Variants in PRMT3 observed in about 807,000 individuals in gnomAD.
The protein encoded by PRMT3 is protein arginine methyltransferase 3.
A neutral mutation model predicts 71.9 loss-of-function variants in PRMT3; 62 were observed. The observed-to-expected ratio is 0.86, with a 90% confidence interval of 0.70 to 1.07. PRMT3 has a LOEUF of 1.07. PRMT3 is among the 50% of genes least tolerant of loss of function. PRMT3 has a pLI of 0.00. For missense variants in PRMT3, 663 were observed against 643.0 expected, an observed-to-expected ratio of 1.03 and a Z score of -0.34; for synonymous variants, 213 against 220.4, an observed-to-expected ratio of 0.97 and a Z score of 0.30.
At chr11:20,474,904 A>G (rs1029416919) in intron 13 of PRMT3, among the ~76,000 whole-genome samples, 3 of 152,234 alleles carry the variant, frequency 2.0e-5, no homozygotes, top group African/African-American at 7.2e-5. Flanking sequence ...AGACCTCACA[A>G]TCTAAACTAA....
chr11:20,415,017 G>GGGGTGT (rs1555009388), intron 9 of PRMT3, among the ~76,000 whole-genome samples: 2 of 135,316 alleles, frequency 1.5e-5, no homozygotes, highest in African/African-American at 5.2e-5. Flanking sequence ...TGGTGGTAGT[G>GGGGTGT]GTGTGTGTGT....
intron 11 of PRMT3, among the ~76,000 whole-genome samples, chr11:20,453,207 G>A (rs1174090953): frequency 6.6e-6 from 1 of 151,606 alleles, no homozygotes; most frequent in African/African-American, 2.4e-5. Flanking sequence ...CCGGCTGGGT[G>A]CAGTGGCTCA....
At chr11:20,506,997 G>A (rs889268372) in intron 15 of PRMT3, among the ~76,000 whole-genome samples, 1 of 152,144 alleles carries the variant, frequency 6.6e-6, no homozygotes, top group African/African-American at 2.4e-5. Flanking sequence ...CCCTTTTACA[G>A]CACCAGTGCA....
rs140148954 is a variant in PRMT3, at chr11:20,483,642, A to G, written c.1348-10277A>G. The stretch of plus-strand genomic sequence containing the variant: ...TGTGTGGGCTTCTGTGCTAGGCACT[A>G]TGAATACAACAAATAATCAAAATGT... On this transcript the variant is annotated intron_variant, in intron 13 of 15. Coordinates refer to ENST00000331079, the MANE Select transcript of PRMT3 (RefSeq NM_005788.4). 5.8e-3 allele frequency among the ~76,000 whole-genome samples: 887 copies of G among 152,260 alleles called. 8 individuals are homozygous for G. The highest frequency in any genetic ancestry group is 0.01 in the Non-Finnish European group (696 of 68,008).
At chr11:20,413,610 C>T (rs1013782325) in intron 9 of PRMT3, among the ~76,000 whole-genome samples, 2 of 152,082 alleles carry the variant, frequency 1.3e-5, no homozygotes, top group Admixed American at 1.3e-4. Flanking sequence ...GGCATCAATG[C>T]CTCAAATAAT....
At chr11:20,427,449 G>A (rs148570060) in intron 10 of PRMT3, among the ~76,000 whole-genome samples, 1,725 of 152,304 alleles carry the variant, frequency 0.011, 36 homozygotes, top group African/African-American at 0.038. Context: ...TGGAGTCTGG[G>A]TATGGTGGCT....
At chr11:20,426,927 A>T in intron 10 of PRMT3, 62 bp downstream of exon 10, 1 of 1,452,278 alleles carries the variant, frequency 6.9e-7, no homozygotes, top group Non-Finnish European at 9.0e-7. Context: ...TTAAAGTAAT[A>T]GTTTTCATGA....
chr11:20,501,493 A>G (rs965645913), intron 15 of PRMT3, among the ~76,000 whole-genome samples: 4 of 152,120 alleles, frequency 2.6e-5, no homozygotes, highest in Non-Finnish European at 4.4e-5. Flanking sequence ...TTAATATTCA[A>G]ACTTACCTTG....
intron 13 of PRMT3, among the ~76,000 whole-genome samples, chr11:20,476,900 G>A (rs557128207): frequency 3.3e-5 from 5 of 151,992 alleles, no homozygotes; most frequent in Non-Finnish European, 7.4e-5. Context: ...ACATTTTTCA[G>A]TTTGTTCTCA....
intron 9 of PRMT3, among the ~76,000 whole-genome samples, chr11:20,421,852 T>A (rs1849432911): frequency 1.3e-5 from 2 of 152,206 alleles, no homozygotes; most frequent in Admixed American, 1.3e-4. Context: ...AACGGTAAGA[T>A]TACATAAAGT....
In PRMT3 at chr11:20,387,731, T is replaced by A. The variant is rs1848625090; in HGVS notation, c.-16T>A. 3 of 1,530,900 alleles carry A rather than the reference T, an allele frequency of 2.0e-6. No individual in the cohort carries two copies. Among genetic ancestry groups the A allele is most frequent in the Non-Finnish European group, 2.6e-6 (3 of 1,141,930 alleles). 94.8% of individuals were successfully genotyped at this position (1,530,900 alleles called of 1,614,324 possible). A position where few individuals can be genotyped will look rare whatever the true frequency, so the allele number is the denominator to read the frequency against. On this transcript the variant is annotated 5_prime_UTR_variant, in exon 1 of 16. Coordinates refer to ENST00000331079, the MANE Select transcript of PRMT3 (RefSeq NM_005788.4). The surrounding 1 kb of genome is among the most constrained non-coding windows in gnomAD (Gnocchi z 4.3). ...CCCCGCCCCCAGACACGCCGGGCTC[T>A]CGGGGCACCACAGCCATGTGCTCGT...
chr11:20,508,306 G>A lies in PRMT3; in HGVS notation c.1489G>A (p.Glu497Lys), dbSNP rs565249517. Residue 497 changes from glutamate (E) to lysine (K), a missense_variant and splice_region_variant, in exon 16 of 16, where the codon GAA (glutamate) becomes AAA (lysine). Coordinates refer to ENST00000331079, the MANE Select transcript of PRMT3 (RefSeq NM_005788.4). ...LEKPFSVKAGEALKGKVTVHK... is the reference protein window; with the variant it reads ...LEKPFSVKAGKALKGKVTVHK... ...CAATTTTTGCCTTTGTTTTACAGGT[G>A]AAGCCTTGAAAGGAAAGGTCACAGT... 5.9e-5 allele frequency: 95 copies of A among 1,597,484 alleles called. No homozygotes were observed. The East Asian group carries it at 2.0e-3, about 33-fold the overall frequency.
At chr11:20,466,879 G>A (rs1850526239) in intron 13 of PRMT3, among the ~76,000 whole-genome samples, 1 of 151,686 alleles carries the variant, frequency 6.6e-6, no homozygotes, top group Non-Finnish European at 1.5e-5. Context: ...ATTTGTCCCT[G>A]TACAAAGTTC....
chr11:20,484,631 A>G (rs570050838), intron 13 of PRMT3, among the ~76,000 whole-genome samples: 1 of 152,278 alleles, frequency 6.6e-6, no homozygotes, highest in South Asian at 2.1e-4. Context: ...GCCTTCCACC[A>G]TGATTGTGAG....
chr11:20,468,414 G>T (rs1403129528), intron 13 of PRMT3, among the ~76,000 whole-genome samples: 1 of 152,122 alleles, frequency 6.6e-6, no homozygotes. Context: ...TATTGCCTAG[G>T]CTGGAGTGCA....
chr11:20,392,592 T>C (rs60062764), intron 4 of PRMT3, among the ~76,000 whole-genome samples: 6,348 of 152,018 alleles, frequency 0.042, 253 homozygotes, highest in Admixed American at 0.12. Flanking sequence ...TTGGTTGCTC[T>C]TTTTTATTCT....
At chr11:20,424,020 T>C (rs895962068) in intron 9 of PRMT3, among the ~76,000 whole-genome samples, 2 of 151,034 alleles carry the variant, frequency 1.3e-5, no homozygotes, top group Non-Finnish European at 2.9e-5. Context: ...CCATATCTAC[T>C]GAAAATACAA....
intron 8 of PRMT3, 58 bp downstream of exon 8, chr11:20,403,042 C>T (rs920201868): frequency 1.6e-6 from 2 of 1,261,342 alleles, no homozygotes; most frequent in Non-Finnish European, 1.1e-6. Context: ...CAGTAGAAAT[C>T]CTCTCTTGGC....
intron 6 of PRMT3, 57 bp downstream of exon 6, chr11:20,396,019 A>AGGTT: frequency 6.6e-7 from 1 of 1,511,144 alleles, no homozygotes; most frequent in Non-Finnish European, 9.1e-7. Context: ...AATACAACCT[A>AGGTT]ATGGCAAAGT....
Sources: allele counts gnomAD v4.1 joint callset (sites outside exome capture counted in the v4.1 genomes callset), GRCh38; gene constraint gnomAD v4.1.1; non-coding constraint Gnocchi (gnomAD v3.1); transcripts MANE v1.5; gene names NCBI Gene and HGNC (gene_info 2026-07-23, HGNC 2026-07-21).